Variants in UBXN4 observed in about 807,000 individuals in gnomAD.
UBXN4 encodes the protein UBX domain-containing protein 4.
UBXN4 carries 35 observed loss-of-function variants against 66.2 expected under a neutral mutation model. That is an observed-to-expected ratio of 0.53 (90% CI 0.40 to 0.70). The LOEUF (loss-of-function observed/expected upper bound fraction) is 0.70. Ranked by LOEUF, UBXN4 falls within the 30% of genes least tolerant of loss-of-function variation. The pLI, the probability that UBXN4 is intolerant of heterozygous loss-of-function variation, is 0.00. For missense variants in UBXN4, 533 were observed against 599.8 expected, an observed-to-expected ratio of 0.89 and a Z score of 1.16; for synonymous variants, 203 against 204.5, an observed-to-expected ratio of 0.99 and a Z score of 0.06.
At chr2:135,775,445 CAAT>C (rs761168218) in intron 9 of UBXN4, among the ~76,000 whole-genome samples, 18 of 152,292 alleles carry the variant, frequency 1.2e-4, no homozygotes, top group African/African-American at 2.9e-4. Flanking sequence ...TCTCATACAA[CAAT>C]GTTTTTCAGC....
intron 2 of UBXN4, among the ~76,000 whole-genome samples, chr2:135,750,344 G>A (rs756537241): frequency 3.0e-4 from 45 of 152,030 alleles, no homozygotes; most frequent in Non-Finnish European, 3.7e-4. Context: ...CTATCAGAAT[G>A]AATAATGTGT....
intron 1 of UBXN4, among the ~76,000 whole-genome samples, chr2:135,747,086 A>G (rs2077211648): frequency 6.6e-6 from 1 of 152,108 alleles, no homozygotes; most frequent in Non-Finnish European, 1.5e-5. Flanking sequence ...TGGCCTGAGA[A>G]CTGGAAGGAT....
At chr2:135,769,887 T>C (rs2077372900) in intron 7 of UBXN4, 64 bp downstream of exon 7, 2 of 956,748 alleles carry the variant, frequency 2.1e-6, no homozygotes, top group Middle Eastern at 2.0e-4. Context: ...TTGATTATTC[T>C]ATTCAGTGTG....
intron 6 of UBXN4, among the ~76,000 whole-genome samples, chr2:135,765,649 T>TTTTTTTTTTC (rs1245265267): frequency 7.2e-6 from 1 of 138,702 alleles, no homozygotes; most frequent in Non-Finnish European, 1.5e-5. Context: ...AATTTTTTTC[T>TTTTTTTTTTC]TTTTTTTTTT....
At chr2:135,746,342 A>G (rs879941585) in intron 1 of UBXN4, among the ~76,000 whole-genome samples, 1 of 152,188 alleles carries the variant, frequency 6.6e-6, no homozygotes, top group Non-Finnish European at 1.5e-5. Flanking sequence ...TATGTTTTGT[A>G]GAGATTTTAG....
intron 2 of UBXN4, among the ~76,000 whole-genome samples, chr2:135,752,014 T>C (rs1207243792): frequency 6.6e-6 from 1 of 151,210 alleles, no homozygotes; most frequent in African/African-American, 2.4e-5. Context: ...ACAAAAATAG[T>C]ATTAATAGCA....
At position 135,759,267 on chromosome 2, in the gene UBXN4, T is replaced by G. The variant is rs1441477202; in HGVS notation, c.509-2551T>G. On this transcript the variant is annotated intron_variant, in intron 5 of 12. Transcript: ENST00000272638. ...TTTCATCTTTTAAAATATCAATATC[T>G]AAAAGATAAGAAATTTTTAAAAATA... Among the ~76,000 whole-genome samples, 4 of 152,308 alleles carry G rather than the reference T, an allele frequency of 2.6e-5. No homozygotes were observed. The East Asian group carries it at 7.7e-4, about 29-fold the overall frequency.
intron 6 of UBXN4, among the ~76,000 whole-genome samples, chr2:135,766,637 A>G (rs1444714871): frequency 2.0e-5 from 3 of 152,248 alleles, no homozygotes; most frequent in Non-Finnish European, 2.9e-5. Flanking sequence ...TTAAACTCTG[A>G]TAAGAACATT....
intron 5 of UBXN4, among the ~76,000 whole-genome samples, chr2:135,759,691 C>A (rs534123716): frequency 6.6e-6 from 1 of 151,436 alleles, no homozygotes; most frequent in East Asian, 1.9e-4. Flanking sequence ...AAAGGCGGAA[C>A]TTCTCAATAC....
At chr2:135,777,144 G>A (rs1304324584) in intron 10 of UBXN4, among the ~76,000 whole-genome samples, 1 of 152,192 alleles carries the variant, frequency 6.6e-6, no homozygotes, top group African/African-American at 2.4e-5. Flanking sequence ...CTTCCAAAAG[G>A]TGGCCTTACT....
chr2:135,782,716 C>A (rs547214274), intron 12 of UBXN4, 33 bp from the exon 13 acceptor site: 1 of 1,604,050 alleles, frequency 6.2e-7, no homozygotes, highest in Non-Finnish European at 8.5e-7. Context: ...TATTTTATGA[C>A]ATCTTCCCCT....
chr2:135,753,939 A>G (rs2077262950), intron 3 of UBXN4: 2 of 481,082 alleles, frequency 4.2e-6, no homozygotes, highest in South Asian at 6.9e-5. Context: ...ATGATAGAGG[A>G]GAATGTAGTA....
chr2:135,771,252 G>A (rs368400899), intron 8 of UBXN4, among the ~76,000 whole-genome samples: 10 of 152,250 alleles, frequency 6.6e-5, no homozygotes, highest in Admixed American at 3.9e-4. Context: ...TAAGGAGGGC[G>A]GATCACCTCA....
At position 135,755,619 on chromosome 2, in the gene UBXN4, A is replaced by G. The variant is rs1024037631; in HGVS notation, c.436A>G (p.Asn146Asp). The G allele has an allele frequency of 1.2e-6, 2 of 1,609,414 alleles. No homozygotes were observed. The highest frequency in any genetic ancestry group is 1.7e-6 in the Non-Finnish European group (2 of 1,177,716). Residue 146 changes from asparagine to aspartate, a missense_variant, in exon 5 of 13, where the codon AAC (asparagine) becomes GAC (aspartate). Physicochemically the swap from Asn to Asp is conservative, Grantham distance 23. Coordinates refer to ENST00000272638, the MANE Select transcript of UBXN4 (RefSeq NM_014607.4). ...ASFEPNNTCE[N>D]SQSRNAELCE... ...ATTTGAACCTAACAACACTTGTGAAAACTCTCAGTCCAGAAATGCAGAGCT... is the reference window on the plus strand; with the variant it reads ...ATTTGAACCTAACAACACTTGTGAAGACTCTCAGTCCAGAAATGCAGAGCT...
At chr2:135,772,645 C>T (rs1163076516) in intron 9 of UBXN4, 98 bp downstream of exon 9, 2 of 1,437,784 alleles carry the variant, frequency 1.4e-6, no homozygotes, top group East Asian at 2.4e-5. Flanking sequence ...TGGTTATAAG[C>T]AGTCCATTCC....
chr2:135,758,736 A>G (rs1311248366), intron 5 of UBXN4, among the ~76,000 whole-genome samples: 1 of 152,118 alleles, frequency 6.6e-6, no homozygotes, highest in African/African-American at 2.4e-5. Context: ...AAATCTTTTA[A>G]GATTATATAT....
chr2:135,750,689 A>G (rs2077235446), intron 2 of UBXN4, among the ~76,000 whole-genome samples: 1 of 150,108 alleles, frequency 6.7e-6, no homozygotes. Context: ...CAATTTAAGT[A>G]TATCTTTTTT....
chr2:135,775,303 C>T (rs2077406901), intron 9 of UBXN4, among the ~76,000 whole-genome samples: 1 of 152,196 alleles, frequency 6.6e-6, no homozygotes, highest in Admixed American at 6.5e-5. Context: ...GCAGTTTATA[C>T]AGCAGTTTAT....
chr2:135,779,204 C>A, intron 11 of UBXN4, 125 bp downstream of exon 11: 1 of 1,005,974 alleles, frequency 9.9e-7, no homozygotes, highest in Non-Finnish European at 1.4e-6. Flanking sequence ...TTCAAGTGAT[C>A]CAATAATTAG....
Sources: gnomAD v4.1 joint callset for allele counts (sites outside exome capture counted in the v4.1 genomes callset) on GRCh38, gnomAD v4.1.1 for gene constraint, MANE v1.5 for transcripts, NCBI Gene and HGNC (gene_info 2026-07-23, HGNC 2026-07-21) for gene names.